CASZ1: variants seen among roughly 807,000 people sequenced by gnomAD.
CASZ1 encodes the protein zinc finger protein castor homolog 1.
A neutral mutation model predicts 135.2 loss-of-function variants in CASZ1; 28 were observed. That is an observed-to-expected ratio of 0.21 (90% confidence interval 0.15 to 0.28). The LOEUF (loss-of-function observed/expected upper bound fraction) is 0.28, where lower values mean the gene tolerates loss of function less well. Among genes scored for constraint, CASZ1 ranks in the 10% least tolerant of loss-of-function variants. CASZ1 has a pLI of 1.00. For synonymous variants in CASZ1, 1,068 were observed against 1,073.4 expected (o/e 0.99, Z 0.10); for missense variants, 2,161 against 2,453.3 (o/e 0.88, Z 2.52).
intron 4 of CASZ1, among the ~76,000 whole-genome samples, chr1:10,675,792 A>ACCCCCCCC (rs373360825): frequency 1.6e-4 from 17 of 106,490 alleles, no homozygotes; most frequent in East Asian, 7.9e-4. Context: ...CTAGCACATG[A>ACCCCCCCC]CCCCCCCCCC....
In CASZ1 at chr1:10,729,886, G is replaced by A. The variant is rs1007360635; in HGVS notation, c.-76-24342C>T. 5.9e-5 allele frequency among the ~76,000 whole-genome samples: 9 copies of A among 152,088 alleles called. No individual in the cohort carries two copies. In the East Asian group the frequency reaches 1.7e-3, roughly 29 times the overall value. ...GCTGGAGTGCAGCGGTGCTATCTCA[G>A]CTCACTGCAACTTCCGCCTCCCAGG... On this transcript the variant is annotated intron_variant, in intron 2 of 20. Coordinates refer to ENST00000377022, the MANE Select transcript of CASZ1 (RefSeq NM_001079843.3).
At chr1:10,780,607 A>G (rs1434329938) in intron 1 of CASZ1, among the ~76,000 whole-genome samples, 3 of 152,256 alleles carry the variant, frequency 2.0e-5, no homozygotes, top group African/African-American at 7.2e-5. Context: ...AACACTAGAC[A>G]GAAATACACC....
chr1:10,780,163 A>G (rs1285096135), intron 1 of CASZ1, among the ~76,000 whole-genome samples: 1 of 152,184 alleles, frequency 6.6e-6, no homozygotes, highest in African/African-American at 2.4e-5. Context: ...TCTGCTCTCC[A>G]TTTTTATATC....
intron 1 of CASZ1, among the ~76,000 whole-genome samples, chr1:10,768,414 C>T (rs2100588633): frequency 6.6e-6 from 1 of 152,284 alleles, no homozygotes; most frequent in Non-Finnish European, 1.5e-5. Flanking sequence ...GATGGGGTTT[C>T]ACCATGTTGG....
chr1:10,660,466 A>G lies in CASZ1; in HGVS notation c.576T>C (p.Asp192=). 1 of 1,614,128 alleles carries G rather than the reference A, an allele frequency of 6.2e-7. No individual in the cohort carries two copies. The highest frequency in any genetic ancestry group is 2.2e-5 in the East Asian group (1 of 44,884). Residue 192 remains aspartate (D), a synonymous_variant, in exon 6 of 21, where the codon GAT becomes GAC. Transcript: ENST00000377022. ...CCAGCTCGTCCCGCGTGTTCTGGTC[A>G]TCATAGCCAAACATGCCGAGGAACT... ...MTEFLGMFGY[D]DQNTRDELAR...
chr1:10,769,500 G>T (rs960075313), intron 1 of CASZ1, among the ~76,000 whole-genome samples: 1 of 152,166 alleles, frequency 6.6e-6, no homozygotes, highest in African/African-American at 2.4e-5. Flanking sequence ...CATTATTAAT[G>T]ATAATAACAG....
chr1:10,651,258 T>A (rs896207567), intron 11 of CASZ1, 182 bp from the exon 12 acceptor site: 9 of 355,908 alleles, frequency 2.5e-5, no homozygotes, highest in Non-Finnish European at 4.4e-5. Flanking sequence ...CTTCAAGTGA[T>A]AATTATTGCA....
chr1:10,743,374 C>G (rs1639965576), intron 2 of CASZ1, among the ~76,000 whole-genome samples: 1 of 150,444 alleles, frequency 6.6e-6, no homozygotes, highest in South Asian at 2.1e-4. Flanking sequence ...CAAGTACCCC[C>G]ACTCAGACCC....
chr1:10,738,533 A>T (rs1639845006), intron 2 of CASZ1, among the ~76,000 whole-genome samples: 2 of 152,246 alleles, frequency 1.3e-5, no homozygotes, highest in South Asian at 4.1e-4. Context: ...GCCAGGTGGG[A>T]TCCTGCCCGC....
rs1441868297 is a variant in CASZ1 at position 10,657,177 on chromosome 1, A to G, written c.1410-441T>C. On this transcript the variant is annotated intron_variant, in intron 7 of 20. Transcript: ENST00000377022. This position sits in a 1 kb window ranked among gnomAD's most constrained non-coding sequence, Gnocchi z 5.7. ...CTCTCTGTCCTGGGCTTTTCCTGAC[A>G]CTTGAAACAGTGCAGAGCTATGAAT... Among the ~76,000 whole-genome samples, 1 of 152,210 alleles carries G rather than the reference A, an allele frequency of 6.6e-6. No individual in the cohort carries two copies. The highest frequency in any genetic ancestry group is 1.9e-4 in the East Asian group (1 of 5,194).
At position 10,727,783 on chromosome 1, in the gene CASZ1, G is replaced by T. The variant is rs1439037528; in HGVS notation, c.-76-22239C>A. On this transcript the variant is annotated intron_variant, in intron 2 of 20. Coordinates refer to ENST00000377022, the MANE Select transcript of CASZ1 (RefSeq NM_001079843.3). The surrounding 1 kb of genome is among the most constrained non-coding windows in gnomAD (Gnocchi z 5.3). ...GGAAGGCCAGGCAGCAGCTGCCAGGGCTGCCCTCAGCCCTTGCCCAGACTG... is the reference window on the plus strand; with the variant it reads ...GGAAGGCCAGGCAGCAGCTGCCAGGTCTGCCCTCAGCCCTTGCCCAGACTG... 6.6e-6 allele frequency among the ~76,000 whole-genome samples: 1 copy of T among 152,204 alleles called. No homozygotes were observed. The highest frequency in any genetic ancestry group is 1.5e-5 in the Non-Finnish European group (1 of 68,034).
In CASZ1 at chr1:10,767,363, T is replaced by G. The variant is rs1386687953; in HGVS notation, c.-233-6506A>C. 1.3e-5 allele frequency among the ~76,000 whole-genome samples: 2 copies of G among 152,244 alleles called. No homozygotes were observed. The highest frequency in any genetic ancestry group is 3.8e-4 in the East Asian group (2 of 5,196). On this transcript the variant is annotated intron_variant, in intron 1 of 20. Transcript: ENST00000377022. The surrounding 1 kb of genome is among the most constrained non-coding windows in gnomAD (Gnocchi z 4.2). The stretch of plus-strand genomic sequence containing the variant: ...CTCCCAGCAATGGAGGCCCAAAGCC[T>G]GGGACGGGTCCTATTTCCAGGTCAC...
intron 2 of CASZ1, among the ~76,000 whole-genome samples, chr1:10,736,297 C>G (rs1367632075): frequency 6.6e-6 from 1 of 152,250 alleles, no homozygotes; most frequent in Non-Finnish European, 1.5e-5. Context: ...ACACACGTAA[C>G]TCTGGGCTCA....
chr1:10,666,295 C>T lies in CASZ1; in HGVS notation c.17-724G>A, dbSNP rs1343771729. Among the ~76,000 whole-genome samples, 2 of 152,188 alleles carry T rather than the reference C, an allele frequency of 1.3e-5. No homozygotes were observed. The highest frequency in any genetic ancestry group is 2.9e-5 in the Non-Finnish European group (2 of 68,030). On this transcript the variant is annotated intron_variant, in intron 4 of 20. Coordinates refer to ENST00000377022, the MANE Select transcript of CASZ1 (RefSeq NM_001079843.3). This position sits in a 1 kb window ranked among gnomAD's most constrained non-coding sequence, Gnocchi z 5.2. ...AGGCCTCCGTGTTCCTCAGTCTCCT[C>T]CCTGCCTCAGGGTCTTCTCCAGCCC...
intron 13 of CASZ1, 22 bp downstream of exon 13, chr1:10,650,670 G>A: frequency 1.3e-6 from 2 of 1,599,484 alleles, no homozygotes; most frequent in Non-Finnish European, 1.7e-6. Flanking sequence ...GGAACGGGAG[G>A]CGTGTGATGG....
Position 10,751,752 on chromosome 1 carries a change from C to T in CASZ1, c.-77+8949G>A, listed in dbSNP as rs532265882. 4.6e-5 allele frequency among the ~76,000 whole-genome samples: 7 copies of T among 152,248 alleles called. No individual in the cohort carries two copies. In the South Asian group the frequency reaches 6.2e-4, roughly 14 times the overall value. ...CACAAGATGCCCTGGCTGGCTGTGCCGGGAAAGGCTGGGAGGAGGGCAGCC... is the reference window on the plus strand; with the variant it reads ...CACAAGATGCCCTGGCTGGCTGTGCTGGGAAAGGCTGGGAGGAGGGCAGCC... On this transcript the variant is annotated intron_variant, in intron 2 of 20. Coordinates refer to ENST00000377022, the MANE Select transcript of CASZ1 (RefSeq NM_001079843.3).
chr1:10,755,615 G>T lies in CASZ1; in HGVS notation c.-77+5086C>A, dbSNP rs74530928. Among the ~76,000 whole-genome samples, 23,464 of 152,098 alleles carry T rather than the reference G, an allele frequency of 0.15. 2,473 individuals are homozygous for T. The highest frequency in any genetic ancestry group is 0.23 in the Non-Finnish European group (15,680 of 67,938). ...GGGCCCGTGCATGGCGAGATGCGGG[G>T]TTTTCCTGCATCTGCTCCGAAGGCA... On this transcript the variant is annotated intron_variant, in intron 2 of 20. Transcript: ENST00000377022. The surrounding 1 kb of genome is among the most constrained non-coding windows in gnomAD (Gnocchi z 4.3).
intron 2 of CASZ1, among the ~76,000 whole-genome samples, chr1:10,728,127 C>A (rs1474256350): frequency 2.0e-5 from 3 of 152,224 alleles, no homozygotes; most frequent in African/African-American, 7.2e-5. Context: ...ACCATGCCTG[C>A]CACATACTGT....
chr1:10,779,405 G>A (rs943105438), intron 1 of CASZ1, among the ~76,000 whole-genome samples: 3 of 151,326 alleles, frequency 2.0e-5, no homozygotes, highest in African/African-American at 7.3e-5. Flanking sequence ...AGATCTCATA[G>A]GTTTCTGTGG....
Sources: allele counts gnomAD v4.1 joint callset (sites outside exome capture counted in the v4.1 genomes callset), GRCh38; gene constraint gnomAD v4.1.1; non-coding constraint Gnocchi (gnomAD v3.1); transcripts MANE v1.5; gene names NCBI Gene and HGNC (gene_info 2026-07-23, HGNC 2026-07-21).